Variants in COL7A1 observed in about 807,000 individuals in gnomAD.
The protein encoded by COL7A1 is collagen type VII alpha 1 chain, also known as collagen alpha-1(VII) chain.
Under a neutral mutation model 456.2 loss-of-function variants are expected in COL7A1, and 296 were observed. The observed-to-expected ratio is 0.65, with a 90% CI of 0.59 to 0.71. The LOEUF (loss-of-function observed/expected upper bound fraction) is 0.71. COL7A1 is among the 30% of genes least tolerant of loss of function. The probability of loss-of-function intolerance (pLI) is 0.00; values close to 1 mark genes in which losing one functional copy is unlikely to be tolerated. For synonymous variants in COL7A1, 1,464 were observed against 1,525.9 expected (o/e 0.96, Z 0.95); for missense variants, 3,441 against 4,017.2 (o/e 0.86, Z 3.88).
rs140114392 is a variant in COL7A1 at position 48,582,613 on chromosome 3, G to A, written c.4559C>T (p.Pro1520Leu). 2.5e-4 allele frequency: 397 copies of A among 1,613,640 alleles called. 3 individuals are homozygous for A. In the African/African-American group the frequency reaches 4.1e-3, roughly 17 times the overall value. The change falls in exon 45 of 119, where the codon CCT (proline) becomes CTT (leucine). Residue 1520 changes from proline (P) to leucine (L), a missense_variant. Physicochemically the swap from Pro to Leu is moderately conservative, Grantham distance 98. Transcript: ENST00000681320. ...CCACCACAGTCACAGACTCACTTCA[G>A]GACCCTTGGCTCCAGGACGTCCAGC... is the stretch of plus-strand genomic sequence containing the variant. The part of the protein sequence containing the change: ...GVAGRPGAKG[P>L]EGPPGPTGRQ...
chr3:48,584,390 A>G lies in COL7A1; in HGVS notation c.4120-15T>C. The G allele has an allele frequency of 6.2e-7, 1 of 1,613,708 alleles. No homozygotes were observed. The highest frequency in any genetic ancestry group is 8.5e-7 in the Non-Finnish European group (1 of 1,179,800). On this transcript the variant is annotated splice_polypyrimidine_tract_variant and intron_variant, in intron 36 of 118. Coordinates refer to ENST00000681320, the MANE Select transcript of COL7A1 (RefSeq NM_000094.4). Reference sequence around the variant, plus strand: ...CCAGGGGGGCCCTGATGGAGGAGACAAAGTATAAGGTGCAACCCCACAGAC... The same window carrying G: ...CCAGGGGGGCCCTGATGGAGGAGACGAAGTATAAGGTGCAACCCCACAGAC...
rs369227658 is a variant in COL7A1, at chr3:48,572,105, C to A, written c.7023+22G>T. ...GAGCCTTCTCTGCTCAGTAGTCAGG[C>A]CCCAGGGCCAACCCACCTCACCTTC... On this transcript the variant is annotated intron_variant, in intron 91 of 118. Transcript: ENST00000681320. This position sits in a 1 kb window ranked among gnomAD's most constrained non-coding sequence, Gnocchi z 4.6. 1.9e-6 allele frequency: 3 copies of A among 1,613,950 alleles called. No homozygotes were observed. The highest frequency in any genetic ancestry group is 2.5e-6 in the Non-Finnish European group (3 of 1,179,938).
Position 48,588,443 on chromosome 3 carries a change from C to A in COL7A1, c.2588-39G>T. 1 of 1,601,600 alleles carries A rather than the reference C, an allele frequency of 6.2e-7. No homozygotes were observed. Among genetic ancestry groups the A allele is most frequent in the Non-Finnish European group, 8.5e-7 (1 of 1,178,764 alleles). On this transcript the variant is annotated intron_variant, in intron 20 of 118. Coordinates refer to ENST00000681320, the MANE Select transcript of COL7A1 (RefSeq NM_000094.4). The surrounding 1 kb of genome is among the most constrained non-coding windows in gnomAD (Gnocchi z 4.6). ...TCAGGAATCAGGGAGGCTCTGCCCC[C>A]ATGGCCCCTGCACCAATCCCAGGCC... is the stretch of plus-strand genomic sequence containing the variant.
Position 48,569,580 on chromosome 3 carries a change from G to C in COL7A1, c.7614+12C>G. On this transcript the variant is annotated intron_variant, in intron 102 of 118. Coordinates refer to ENST00000681320, the MANE Select transcript of COL7A1 (RefSeq NM_000094.4). The surrounding 1 kb of genome is among the most constrained non-coding windows in gnomAD (Gnocchi z 4.9). ...CCCAGGGGAGACCCAGTCCACACGTGGGCCCACTCACCATGTCCCCCTTGG... is the reference window on the plus strand; with the variant it reads ...CCCAGGGGAGACCCAGTCCACACGTCGGCCCACTCACCATGTCCCCCTTGG... 6.2e-7 allele frequency: 1 copy of C among 1,613,700 alleles called. No homozygotes were observed. The highest frequency in any genetic ancestry group is 1.1e-5 in the South Asian group (1 of 91,076).
chr3:48,570,008 C>T lies in COL7A1; in HGVS notation c.7486-93G>A. ...GAGGAGGGAAACAGTGGGGACCAGA[C>T]AAAGGGGACAGGGGTAGACGAGGAG... On this transcript the variant is annotated intron_variant, in intron 99 of 118. Coordinates refer to ENST00000681320, the MANE Select transcript of COL7A1 (RefSeq NM_000094.4). The surrounding 1 kb of genome is among the most constrained non-coding windows in gnomAD (Gnocchi z 5.5). The T allele has an allele frequency of 6.3e-7, 1 of 1,599,350 alleles. No individual in the cohort carries two copies.
chr3:48,576,187 G>A (rs1052208127), intron 71 of COL7A1, 62 bp downstream of exon 71: 1 of 1,607,838 alleles, frequency 6.2e-7, no homozygotes, highest in Non-Finnish European at 8.5e-7. Context: ...GGAAGGGGAT[G>A]GCAAGGTGGC....
chr3:48,583,910 G>A lies in COL7A1; in HGVS notation c.4268C>T (p.Pro1423Leu). The change falls in exon 39 of 119, where the codon CCT becomes CTT. Residue 1423 changes from proline to leucine, a missense_variant. By Grantham distance (98) the Pro-to-Leu change is moderately conservative. This residue lies in a region of COL7A1 where 2,084 missense variants were observed against 2,501.3 expected (regional missense o/e 0.83). Coordinates refer to ENST00000681320, the MANE Select transcript of COL7A1 (RefSeq NM_000094.4). The surrounding 1 kb of genome is among the most constrained non-coding windows in gnomAD (Gnocchi z 5.1). The stretch of plus-strand genomic sequence containing the variant: ...CTCAAGGCCCCTCACCGGCAGCCCA[G>A]GCTCCCCAGGAGCAATGCCACCTTC... The part of the protein sequence containing the change: ...PGEGGIAPGE[P>L]GLPGLPGSPG... 6.2e-7 allele frequency: 1 copy of A among 1,613,904 alleles called. No homozygotes were observed. Among genetic ancestry groups the A allele is most frequent in the Non-Finnish European group, 8.5e-7 (1 of 1,179,958 alleles).
At position 48,569,897 on chromosome 3, in the gene COL7A1, C is replaced by T; in HGVS notation, c.7504G>A (p.Gly2502Arg). Reference protein sequence around the residue: ...RGLTGPPGSRGERGEKGDVGS... With the variant: ...RGLTGPPGSRRERGEKGDVGS... ...GTTCCTACCTTCTCCCCACGCTCTC[C>T]CCTGCTGCCAGGGGGCCCCTGTGTG... Residue 2502 changes from glycine (G) to arginine (R), a missense_variant, in exon 100 of 119, where the codon GGA (glycine) becomes AGA (arginine). By Grantham distance (125) the Gly-to-Arg change is moderately radical. This residue lies in a region of COL7A1 where 2,084 missense variants were observed against 2,501.3 expected (regional missense o/e 0.83). Coordinates refer to ENST00000681320, the MANE Select transcript of COL7A1 (RefSeq NM_000094.4). This position sits in a 1 kb window ranked among gnomAD's most constrained non-coding sequence, Gnocchi z 4.9. 1.2e-6 allele frequency: 2 copies of T among 1,614,112 alleles called. No homozygotes were observed. Among genetic ancestry groups the T allele is most frequent in the African/African-American group, 1.3e-5 (1 of 75,058 alleles).
In COL7A1 at chr3:48,564,892, G is replaced by C. The variant is rs140781372; in HGVS notation, c.8709C>G (p.Ala2903=). The C allele has an allele frequency of 6.8e-6, 11 of 1,614,200 alleles. No homozygotes were observed. The highest frequency in any genetic ancestry group is 3.3e-5 in the Admixed American group (2 of 60,032). ...AGCCACCATAGACAAAAGGGTGACAGGCCTCTGTGCTGCCTGTCACAGCCC... is the reference window on the plus strand; with the variant it reads ...AGCCACCATAGACAAAAGGGTGACACGCCTCTGTGCTGCCTGTCACAGCCC... ...YHRAVTGSTE[A]CHPFVYGGCG... is the part of the protein sequence containing the mutation. The change falls in exon 118 of 119, where the codon GCC becomes GCG. Residue 2903 remains alanine, a synonymous_variant. Transcript: ENST00000681320. This position sits in a 1 kb window ranked among gnomAD's most constrained non-coding sequence, Gnocchi z 6.0.
In COL7A1 at chr3:48,588,812, T is replaced by A. The variant is rs781189895; in HGVS notation, c.2441-24A>T. On this transcript the variant is annotated intron_variant, in intron 19 of 118. Transcript: ENST00000681320. The surrounding 1 kb of genome is among the most constrained non-coding windows in gnomAD (Gnocchi z 4.6). ...GCCTGGCCAGGTGGGCATACAGCAA[T>A]GGTTAGGGGTGAGCAGTCCCAGCCA... The A allele has an allele frequency of 6.2e-7, 1 of 1,613,500 alleles. No individual in the cohort carries two copies. The highest frequency in any genetic ancestry group is 1.1e-5 in the South Asian group (1 of 91,078).
Position 48,568,056 on chromosome 3 carries a change from G to A in COL7A1, c.7875+34C>T. 6.2e-7 allele frequency: 1 copy of A among 1,613,302 alleles called. No individual in the cohort carries two copies. The highest frequency in any genetic ancestry group is 8.5e-7 in the Non-Finnish European group (1 of 1,179,390). On this transcript the variant is annotated intron_variant, in intron 106 of 118. Transcript: ENST00000681320. This position sits in a 1 kb window ranked among gnomAD's most constrained non-coding sequence, Gnocchi z 5.2. ...TCGCCCTTCAACATTAGGCCTTCCT[G>A]ACCAGAAAAAAACCAATCTTGTTTC...
rs754627931 is a variant in COL7A1, at chr3:48,583,940, G to C, written c.4238C>G (p.Pro1413Arg). 8 of 1,613,924 alleles carry C rather than the reference G, an allele frequency of 5.0e-6. No homozygotes were observed. The highest frequency in any genetic ancestry group is 4.4e-5 in the South Asian group (4 of 91,084). ...CCCAGGAGCAATGCCACCTTCACCT[G>C]GTCCAGGGGGACCCTGGGAGAGAAC... Reference protein sequence around the residue: ...GDRGERGPPGPGEGGIAPGEP... With the variant: ...GDRGERGPPGRGEGGIAPGEP... Residue 1413 changes from proline (P) to arginine (R), a missense_variant, in exon 39 of 119, where the codon CCA becomes CGA. Coordinates refer to ENST00000681320, the MANE Select transcript of COL7A1 (RefSeq NM_000094.4). The surrounding 1 kb of genome is among the most constrained non-coding windows in gnomAD (Gnocchi z 5.1).
Position 48,595,086 on chromosome 3 carries a change from T to C in COL7A1, c.74A>G (p.His25Arg). 2 of 1,551,592 alleles carry C rather than the reference T, an allele frequency of 1.3e-6. No homozygotes were observed. The highest frequency in any genetic ancestry group is 1.7e-6 in the Non-Finnish European group (2 of 1,147,734). Residue 25 changes from histidine to arginine, a missense_variant, in exon 2 of 119, where the codon CAC (histidine) becomes CGC (arginine). His to Arg is a conservative substitution (Grantham distance 29, BLOSUM62 0). Coordinates refer to ENST00000681320, the MANE Select transcript of COL7A1 (RefSeq NM_000094.4). ...CTTGCGGTGCCCACCTCTCTCCCTG[T>C]GCTGGGCTCGCACTCGGGGCGCCTC... The part of the protein sequence containing the change: ...LAEAPRVRAQ[H>R]RERVTCTRLY...
At chr3:48,584,404 A>C in intron 36 of COL7A1, 29 bp from the exon 37 acceptor site, 2 of 1,613,524 alleles carry the variant, frequency 1.2e-6, no homozygotes, top group Non-Finnish European at 1.7e-6. Flanking sequence ...TATAAGGTGC[A>C]ACCCCACAGA....
chr3:48,564,705 G>GC lies in COL7A1; in HGVS notation c.8818+77dup. ...TCCAGGACCCTGACCTGGAACCCTG[G>GC]CCCAAGGACTCCTCCCCCAGAACCC... is the stretch of plus-strand genomic sequence containing the variant. On this transcript the variant is annotated intron_variant, in intron 118 of 118. Transcript: ENST00000681320. The surrounding 1 kb of genome is among the most constrained non-coding windows in gnomAD (Gnocchi z 6.0). 1 of 1,489,332 alleles carries GC rather than the reference G, an allele frequency of 6.7e-7. No homozygotes were observed. Among genetic ancestry groups the GC allele is most frequent in the African/African-American group, 1.4e-5 (1 of 71,882 alleles). The allele number at this position is 1,489,332 out of a possible 1,614,324, so 92.3% of individuals were successfully genotyped here. A position where few individuals can be genotyped will look rare whatever the true frequency, so the allele number is the denominator to read the frequency against.
At position 48,571,005 on chromosome 3, in the gene COL7A1, G is replaced by T. The variant is rs2043882704; in HGVS notation, c.7165-37C>A. ...ACAGCAAAGGGAGGGAATGGTCAAT[G>T]CAGGACCCCTCCCAGGACTCTCATC... On this transcript the variant is annotated intron_variant, in intron 94 of 118. Coordinates refer to ENST00000681320, the MANE Select transcript of COL7A1 (RefSeq NM_000094.4). This position sits in a 1 kb window ranked among gnomAD's most constrained non-coding sequence, Gnocchi z 4.6. The T allele has an allele frequency of 6.2e-7, 1 of 1,611,024 alleles. No homozygotes were observed. The highest frequency in any genetic ancestry group is 1.3e-5 in the African/African-American group (1 of 74,852).
chr3:48,578,416 AGGGGGAAAAG>A lies in COL7A1; in HGVS notation c.5487+27_5487+36del. ...TGTCGGGGATCGGGTGAGGGTAGTA[AGGGGGAAAAG>A]GGGGTAACATGAAAGTCTGGTCTCA... is the stretch of plus-strand genomic sequence containing the variant. On this transcript the variant is annotated intron_variant, in intron 64 of 118. Coordinates refer to ENST00000681320, the MANE Select transcript of COL7A1 (RefSeq NM_000094.4). The surrounding 1 kb of genome is among the most constrained non-coding windows in gnomAD (Gnocchi z 4.7). The A allele has an allele frequency of 6.2e-7, 1 of 1,613,466 alleles. No homozygotes were observed. Among genetic ancestry groups the A allele is most frequent in the South Asian group, 1.1e-5 (1 of 91,054 alleles).
At position 48,568,359 on chromosome 3, in the gene COL7A1, TG is replaced by T; in HGVS notation, c.7794+139del. 9.5e-7 allele frequency: 1 copy of T among 1,048,018 alleles called. No homozygotes were observed. The highest frequency in any genetic ancestry group is 1.4e-6 in the Non-Finnish European group (1 of 697,230). The allele number at this position is 1,048,018 out of a possible 1,614,324, so 64.9% of individuals were successfully genotyped here. ...CCATCATAGGCGGCTACTGTGGAGG[TG>T]GGGGACCCTGGGTGACATGAGGACA... On this transcript the variant is annotated intron_variant, in intron 105 of 118. Transcript: ENST00000681320. This position sits in a 1 kb window ranked among gnomAD's most constrained non-coding sequence, Gnocchi z 5.2.
In COL7A1 at chr3:48,566,431, G is replaced by C. The variant is rs945572618; in HGVS notation, c.8358+79C>G. 3 of 1,609,722 alleles carry C rather than the reference G, an allele frequency of 1.9e-6. No individual in the cohort carries two copies. The highest frequency in any genetic ancestry group is 2.5e-6 in the Non-Finnish European group (3 of 1,176,790). ...ATGGAGCCAGGGCCCAGGGGTCAGG[G>C]TGCTGGGTGAGGGAGGTAGGGCCCC... On this transcript the variant is annotated intron_variant, in intron 113 of 118. Transcript: ENST00000681320. This position sits in a 1 kb window ranked among gnomAD's most constrained non-coding sequence, Gnocchi z 5.9.
Sources: allele counts gnomAD v4.1 joint callset, GRCh38; gene constraint gnomAD v4.1.1; regional missense constraint gnomAD v4.1.1; non-coding constraint Gnocchi (gnomAD v3.1); transcripts MANE v1.5; gene names NCBI Gene and HGNC (gene_info 2026-07-23, HGNC 2026-07-21).